Variants in SFXN5 observed in about 807,000 individuals in gnomAD.
SFXN5 encodes the protein sideroflexin-5.
SFXN5 carries 43 observed loss-of-function variants against 50.2 expected under a neutral mutation model. The ratio of observed to expected loss-of-function variants is 0.86; its 90% CI spans 0.67 to 1.11. The LOEUF (loss-of-function observed/expected upper bound fraction) is 1.11, where lower values mean the gene tolerates loss of function less well. Ranked by LOEUF, SFXN5 falls within the 50% of genes least tolerant of loss-of-function variation. SFXN5 has a pLI of 0.00. For synonymous variants in SFXN5, 203 were observed against 185.8 expected (o/e 1.09, Z -0.75); for missense variants, 463 against 454.1 (o/e 1.02, Z -0.18).
intron 5 of SFXN5, among the ~76,000 whole-genome samples, chr2:73,021,374 C>T (rs1330082140): frequency 6.6e-6 from 1 of 152,150 alleles, no homozygotes; most frequent in Non-Finnish European, 1.5e-5. Context: ...GTCCCAGCTA[C>T]TCGGGAGGCT....
rs566993846 is a variant in SFXN5, at chr2:72,959,869, C to T, written c.945+1262G>A. Among the ~76,000 whole-genome samples, 7 of 152,340 alleles carry T rather than the reference C, an allele frequency of 4.6e-5. No homozygotes were observed. The South Asian group carries it at 8.3e-4, about 18-fold the overall frequency. On this transcript the variant is annotated intron_variant, in intron 13 of 13. Coordinates refer to ENST00000272433, the MANE Select transcript of SFXN5 (RefSeq NM_144579.3). ...CTCCTGATCCCACATCTTGTTGCGG[C>T]TGTGGACCTGTCTTTCTCATTTTTT...
At chr2:73,067,342 A>G (rs1047637851) in intron 1 of SFXN5, among the ~76,000 whole-genome samples, 7 of 152,212 alleles carry the variant, frequency 4.6e-5, no homozygotes, top group African/African-American at 1.7e-4. Context: ...ACTAAATGTA[A>G]CATGTTCCTG....
chr2:73,042,612 TA>T (rs1400132898), intron 2 of SFXN5: 6 of 149,808 alleles, frequency 4.0e-5, no homozygotes, highest in Non-Finnish European at 7.4e-5. Context: ...GACTCCATCT[TA>T]AAAAATAAAA....
chr2:73,045,872 C>A (rs1680257426), intron 2 of SFXN5, among the ~76,000 whole-genome samples: 2 of 152,098 alleles, frequency 1.3e-5, no homozygotes, highest in South Asian at 4.1e-4. Flanking sequence ...GTCCTTGGCT[C>A]CCATCAGCCA....
intron 3 of SFXN5, among the ~76,000 whole-genome samples, chr2:73,026,291 CTA>C (rs1232470417): frequency 6.6e-6 from 1 of 151,298 alleles, no homozygotes; most frequent in Non-Finnish European, 1.5e-5. Context: ...CCATGCCTGG[CTA>C]ATTTTTTTTT....
At chr2:73,055,673 A>ACGATCTCAGCACAG in intron 2 of SFXN5, among the ~76,000 whole-genome samples, 1 of 150,620 alleles carries the variant, frequency 6.6e-6, no homozygotes, top group African/African-American at 2.4e-5. Flanking sequence ...TCTCAGCACA[A>ACGATCTCAGCACAG]TGGCACGATC....
In SFXN5 at chr2:73,004,572, C is replaced by T. The variant is rs1312847103; in HGVS notation, c.358-2994G>A. ...TAGGAGTGAGCCGAGGGGGCGCCGACACAGGAGCAGGGACAGCCGAGACAG... is the reference window on the plus strand; with the variant it reads ...TAGGAGTGAGCCGAGGGGGCGCCGATACAGGAGCAGGGACAGCCGAGACAG... On this transcript the variant is annotated intron_variant, in intron 6 of 13. Transcript: ENST00000272433. 3.3e-5 allele frequency among the ~76,000 whole-genome samples: 5 copies of T among 152,186 alleles called. No individual in the cohort carries two copies. In the East Asian group the frequency reaches 9.7e-4, roughly 29 times the overall value.
At chr2:72,984,490 G>GA (rs770888635) in intron 10 of SFXN5, among the ~76,000 whole-genome samples, 2 of 152,262 alleles carry the variant, frequency 1.3e-5, no homozygotes, top group Non-Finnish European at 2.9e-5. Context: ...CACAGGGCTT[G>GA]AAATAGCCCT....
At chr2:73,070,939 C>G (rs1177077666) in intron 1 of SFXN5, 1 of 152,372 alleles carries the variant, frequency 6.6e-6, no homozygotes, top group Non-Finnish European at 1.5e-5. Flanking sequence ...CCCCCGCACG[C>G]CCTGGCTGCG....
intron 3 of SFXN5, among the ~76,000 whole-genome samples, chr2:73,034,136 A>G (rs1678667420): frequency 6.6e-6 from 1 of 152,180 alleles, no homozygotes; most frequent in Non-Finnish European, 1.5e-5. Context: ...CCAGCCCACA[A>G]ATGCATCTAC....
At chr2:72,998,619 C>A in intron 9 of SFXN5, 1 of 332,148 alleles carries the variant, frequency 3.0e-6, no homozygotes. Context: ...ACCCCGCTCG[C>A]TCCAGCCACG....
In SFXN5 at chr2:72,942,108, G is replaced by T. The variant is rs910457074; in HGVS notation, c.*2914C>A. The stretch of plus-strand genomic sequence containing the variant: ...AATCACATAGATTGAGAAATTTTCT[G>T]AGGTTAAAAAGACGCTGCAAAGGCC... On this transcript the variant is annotated 3_prime_UTR_variant, in exon 14 of 14. Coordinates refer to ENST00000272433, the MANE Select transcript of SFXN5 (RefSeq NM_144579.3). 6.6e-6 allele frequency: 1 copy of T among 152,172 alleles called. No individual in the cohort carries two copies. The highest frequency in any genetic ancestry group is 2.4e-5 in the African/African-American group (1 of 41,430). The allele number at this position is 152,172 out of a possible 1,614,324, so 9.4% of individuals were successfully genotyped here.
At chr2:73,060,553 T>G (rs1382328302) in intron 1 of SFXN5, among the ~76,000 whole-genome samples, 2 of 152,064 alleles carry the variant, frequency 1.3e-5, no homozygotes, top group African/African-American at 4.8e-5. Context: ...GATTGGATCC[T>G]GGCGTAGAGG....
At chr2:73,028,190 A>T (rs895731069) in intron 3 of SFXN5, among the ~76,000 whole-genome samples, 2 of 152,176 alleles carry the variant, frequency 1.3e-5, no homozygotes, top group Non-Finnish European at 2.9e-5. Flanking sequence ...AAAATCACCT[A>T]ATGTCGTATT....
chr2:72,986,415 G>A (rs1357554887), intron 10 of SFXN5, among the ~76,000 whole-genome samples: 1 of 152,130 alleles, frequency 6.6e-6, no homozygotes, highest in African/African-American at 2.4e-5. Flanking sequence ...GGTGGGTACT[G>A]GTACCCGCCT....
chr2:73,039,143 G>T (rs1178018430), intron 3 of SFXN5, among the ~76,000 whole-genome samples: 1 of 152,134 alleles, frequency 6.6e-6, no homozygotes, highest in Non-Finnish European at 1.5e-5. Flanking sequence ...GGCCAGGATG[G>T]TCTCGAACTC....
Position 73,020,221 on chromosome 2 carries a change from T to C in SFXN5, c.357+18A>G. ...AATAATTTTTTAGAAAAGGAAATCC[T>C]TTGAAGGTAACACTTACAATTGGCG... is the stretch of plus-strand genomic sequence containing the variant. On this transcript the variant is annotated intron_variant, in intron 6 of 13. Coordinates refer to ENST00000272433, the MANE Select transcript of SFXN5 (RefSeq NM_144579.3). 1 of 1,612,486 alleles carries C rather than the reference T, an allele frequency of 6.2e-7. No individual in the cohort carries two copies. The highest frequency in any genetic ancestry group is 8.5e-7 in the Non-Finnish European group (1 of 1,178,798).
chr2:73,035,826 C>T (rs747008383), intron 3 of SFXN5, among the ~76,000 whole-genome samples: 3 of 152,102 alleles, frequency 2.0e-5, no homozygotes, highest in African/African-American at 4.8e-5. Flanking sequence ...AACAAGGTAA[C>T]GGTCCCTGGA....
chr2:72,952,440 G>A (rs573581803), intron 13 of SFXN5, among the ~76,000 whole-genome samples: 27 of 152,208 alleles, frequency 1.8e-4, no homozygotes, highest in Non-Finnish European at 2.4e-4. Context: ...ACTGTGAGCC[G>A]CTCCAGGCAG....
Sources: gnomAD v4.1 joint callset for allele counts (sites outside exome capture counted in the v4.1 genomes callset) on GRCh38, gnomAD v4.1.1 for gene constraint, MANE v1.5 for transcripts, NCBI Gene and HGNC (gene_info 2026-07-23, HGNC 2026-07-21) for gene names.